MECOM: variants seen among roughly 807,000 people sequenced by gnomAD.
The protein encoded by MECOM is MDS1 and EVI1 complex locus.
Under a neutral mutation model 116.3 loss-of-function variants are expected in MECOM, and 13 were observed. That is an observed-to-expected ratio of 0.11 (90% CI 0.07 to 0.18). The LOEUF (loss-of-function observed/expected upper bound fraction) is 0.18. MECOM is among the 10% of genes least tolerant of loss of function. The probability of loss-of-function intolerance (pLI) is 1.00; values close to 1 mark genes in which losing one functional copy is unlikely to be tolerated. For synonymous variants in MECOM, 528 were observed against 535.2 expected (o/e 0.99, Z 0.19); for missense variants, 1,299 against 1,509.0 (o/e 0.86, Z 2.31).
intron 2 of MECOM, among the ~76,000 whole-genome samples, chr3:169,336,343 T>G (rs963759106): frequency 6.6e-6 from 1 of 151,932 alleles, no homozygotes; most frequent in Non-Finnish European, 1.5e-5. Context: ...AATGTTTCTC[T>G]CTCATCAAAT....
chr3:169,248,949 G>A (rs1755923499), intron 2 of MECOM, among the ~76,000 whole-genome samples: 1 of 152,078 alleles, frequency 6.6e-6, no homozygotes, highest in South Asian at 2.1e-4. Flanking sequence ...GTACTCTGTT[G>A]GGACAGCCCT....
intron 2 of MECOM, among the ~76,000 whole-genome samples, chr3:169,225,915 T>C (rs1752675255): frequency 6.6e-6 from 1 of 152,196 alleles, no homozygotes; most frequent in Non-Finnish European, 1.5e-5. Context: ...GCCAAGACCC[T>C]TGCTTTAAGG....
At chr3:169,324,721 A>G (rs1721549817) in intron 2 of MECOM, among the ~76,000 whole-genome samples, 4 of 152,198 alleles carry the variant, frequency 2.6e-5, no homozygotes, top group African/African-American at 7.2e-5. Flanking sequence ...AGAAACTTAG[A>G]ACCAACTTTC....
intron 2 of MECOM, among the ~76,000 whole-genome samples, chr3:169,265,865 A>AGGAGGTATG (rs987021539): frequency 4.6e-5 from 7 of 152,154 alleles, no homozygotes; most frequent in Non-Finnish European, 1.0e-4. Flanking sequence ...TCAGTGGACA[A>AGGAGGTATG]GGAGGTACGA....
At chr3:169,251,579 G>A (rs1756242361) in intron 2 of MECOM, among the ~76,000 whole-genome samples, 1 of 152,070 alleles carries the variant, frequency 6.6e-6, no homozygotes, top group Non-Finnish European at 1.5e-5. Flanking sequence ...TGATTCAGAA[G>A]CCGCCAGGAC....
chr3:169,291,243 G>C (rs1282368895), intron 2 of MECOM, among the ~76,000 whole-genome samples: 1 of 151,988 alleles, frequency 6.6e-6, no homozygotes, highest in Non-Finnish European at 1.5e-5. Flanking sequence ...TCCCCCACTT[G>C]AATAAGCCCA....
Position 169,288,314 on chromosome 3 carries a change from T to G in MECOM, c.375+92873A>C, listed in dbSNP as rs1400247537. Among the ~76,000 whole-genome samples the G allele has an allele frequency of 2.0e-5, 3 of 152,234 alleles. No individual in the cohort carries two copies. In the East Asian group the frequency reaches 5.8e-4, roughly 29 times the overall value. Reference sequence around the variant, plus strand: ...AAATAAATATAAGAAGTACAAATCTTAGAGAAGGAATCTGATACAAATCAT... The same window carrying G: ...AAATAAATATAAGAAGTACAAATCTGAGAGAAGGAATCTGATACAAATCAT... On this transcript the variant is annotated intron_variant, in intron 2 of 16. Transcript: ENST00000651503.
chr3:169,311,339 T>C (rs947789251), intron 2 of MECOM, among the ~76,000 whole-genome samples: 20 of 152,210 alleles, frequency 1.3e-4, no homozygotes, highest in Non-Finnish European at 4.4e-5. Flanking sequence ...AATAGCCAAC[T>C]ACAATAATAC....
At position 169,140,345 on chromosome 3, in the gene MECOM, A is replaced by G. The variant is rs577087083; in HGVS notation, c.510+3353T>C. Among the ~76,000 whole-genome samples the G allele has an allele frequency of 9.9e-5, 15 of 152,240 alleles. No individual in the cohort carries two copies. In the East Asian group the frequency reaches 2.9e-3, roughly 29 times the overall value. ...AAAAATAATTAGAATGTTAAGGATA[A>G]AGAGACTTGGGTATCTTTAATGGAT... On this transcript the variant is annotated intron_variant, in intron 3 of 16. Coordinates refer to ENST00000651503, the MANE Select transcript of MECOM (RefSeq NM_004991.4).
intron 2 of MECOM, among the ~76,000 whole-genome samples, chr3:169,166,798 A>T (rs916059828): frequency 6.6e-6 from 1 of 152,294 alleles, no homozygotes; most frequent in East Asian, 1.9e-4. Flanking sequence ...TTGGCAAAAA[A>T]ATAACAAAAA....
At chr3:169,400,102 C>T (rs1435024256) in intron 1 of MECOM, among the ~76,000 whole-genome samples, 11 of 152,154 alleles carry the variant, frequency 7.2e-5, no homozygotes, top group African/African-American at 7.2e-5. Flanking sequence ...TACTTTATTA[C>T]TTGTCAGAAA....
chr3:169,253,688 TC>T (rs1756521751), intron 2 of MECOM, among the ~76,000 whole-genome samples: 1 of 152,014 alleles, frequency 6.6e-6, no homozygotes, highest in African/African-American at 2.4e-5. Flanking sequence ...AACACTTTTT[TC>T]CCCAGAAAGA....
intron 2 of MECOM, among the ~76,000 whole-genome samples, chr3:169,290,832 G>A (rs1417563748): frequency 6.6e-6 from 1 of 152,138 alleles, no homozygotes; most frequent in Non-Finnish European, 1.5e-5. Context: ...GTTACATGGA[G>A]TTCTCTTAAA....
chr3:169,558,857 G>T (rs1173092425), intron 1 of MECOM, among the ~76,000 whole-genome samples: 1 of 151,642 alleles, frequency 6.6e-6, no homozygotes, highest in Non-Finnish European at 1.5e-5. Flanking sequence ...TAAACCTTTG[G>T]GAAAAAAGCA....
At chr3:169,319,689 G>A (rs1169121274) in intron 2 of MECOM, among the ~76,000 whole-genome samples, 3 of 152,214 alleles carry the variant, frequency 2.0e-5, no homozygotes, top group Non-Finnish European at 4.4e-5. Flanking sequence ...GGAAATGAGA[G>A]TCTTAGCTCC....
At chr3:169,390,949 T>C (rs935873079) in intron 1 of MECOM, among the ~76,000 whole-genome samples, 1 of 152,150 alleles carries the variant, frequency 6.6e-6, no homozygotes. Context: ...CAAACAAAGA[T>C]AGGCATGCAG....
At chr3:169,223,268 T>TCCCTCCC (rs71166253) in intron 2 of MECOM, among the ~76,000 whole-genome samples, 1 of 84,622 alleles carries the variant, frequency 1.2e-5, no homozygotes, top group Non-Finnish European at 2.5e-5. Flanking sequence ...CCTAATGCTA[T>TCCCTCCC]CCCTCCCCCC....
chr3:169,102,517 C>G (rs78983041), intron 10 of MECOM, among the ~76,000 whole-genome samples: 2 of 152,086 alleles, frequency 1.3e-5, no homozygotes, highest in Admixed American at 1.3e-4. Context: ...CATAAGAGAG[C>G]CAATAAAGCC....
intron 2 of MECOM, among the ~76,000 whole-genome samples, chr3:169,144,830 G>A (rs748763319): frequency 3.3e-5 from 5 of 152,072 alleles, no homozygotes; most frequent in East Asian, 1.9e-4. Context: ...CAAAGACTAA[G>A]CAATATACCT....
Sources: allele counts gnomAD v4.1 joint callset (sites outside exome capture counted in the v4.1 genomes callset), GRCh38; gene constraint gnomAD v4.1.1; transcripts MANE v1.5; gene names NCBI Gene and HGNC (gene_info 2026-07-23, HGNC 2026-07-21).